The following DYNC1I1 variants were observed in gnomAD, a reference collection of about 807,000 sequenced individuals.
The protein encoded by DYNC1I1 is cytoplasmic dynein 1 intermediate chain 1.
DYNC1I1 carries 43 observed loss-of-function variants against 86.6 expected under a neutral mutation model. That is an observed-to-expected ratio of 0.50 (90% CI 0.39 to 0.64). DYNC1I1 has a LOEUF of 0.64. Among genes scored for constraint, DYNC1I1 ranks in the 30% least tolerant of loss-of-function variants. DYNC1I1 has a pLI of 0.00. For missense variants in DYNC1I1, 604 were observed against 788.8 expected, an observed-to-expected ratio of 0.77 and a Z score of 2.81; for synonymous variants, 262 against 283.7, an observed-to-expected ratio of 0.92 and a Z score of 0.77.
chr7:96,033,722 T>C (rs1174234651), intron 12 of DYNC1I1, among the ~76,000 whole-genome samples: 1 of 152,092 alleles, frequency 6.6e-6, no homozygotes, highest in Non-Finnish European at 1.5e-5. Flanking sequence ...AAAATGTACA[T>C]AAGGAGACAG....
chr7:95,812,756 A>C (rs1185139743), intron 3 of DYNC1I1, among the ~76,000 whole-genome samples: 1 of 152,204 alleles, frequency 6.6e-6, no homozygotes, highest in Non-Finnish European at 1.5e-5. Flanking sequence ...TTCTCTCTCA[A>C]TGCAGACATA....
intron 6 of DYNC1I1, among the ~76,000 whole-genome samples, chr7:95,925,536 G>A (rs772197288): frequency 9.9e-5 from 15 of 152,144 alleles, no homozygotes; most frequent in Non-Finnish European, 2.1e-4. Context: ...TCCTTCCCGA[G>A]ATTCTAAACA....
intron 1 of DYNC1I1, among the ~76,000 whole-genome samples, chr7:95,790,855 T>A (rs1794283037): frequency 6.6e-6 from 1 of 152,206 alleles, no homozygotes; most frequent in South Asian, 2.1e-4. Flanking sequence ...GCTTTGGTTG[T>A]GAGGATAGAG....
At chr7:95,987,447 C>T (rs1174272365) in intron 9 of DYNC1I1, among the ~76,000 whole-genome samples, 2 of 152,164 alleles carry the variant, frequency 1.3e-5, no homozygotes, top group Admixed American at 1.3e-4. Context: ...TATTTTTAAT[C>T]CCACATCTGT....
At chr7:95,804,431 A>C in intron 1 of DYNC1I1, 2 of 1,214,472 alleles carry the variant, frequency 1.6e-6, no homozygotes, top group South Asian at 1.4e-5. Context: ...CTTGTATAGA[A>C]AATGTGTTGC....
At chr7:95,894,029 C>T (rs1271492534) in intron 6 of DYNC1I1, among the ~76,000 whole-genome samples, 3 of 152,112 alleles carry the variant, frequency 2.0e-5, no homozygotes, top group Non-Finnish European at 4.4e-5. Context: ...TCTGCTGTTA[C>T]TTATGAAGAA....
chr7:95,777,719 G>C (rs1306497382), intron 1 of DYNC1I1, among the ~76,000 whole-genome samples: 1 of 152,132 alleles, frequency 6.6e-6, no homozygotes, highest in Non-Finnish European at 1.5e-5. Context: ...TCAGAGTTGA[G>C]GGTATTCATA....
At chr7:96,045,345 C>G (rs1789178409) in intron 14 of DYNC1I1, among the ~76,000 whole-genome samples, 2 of 152,116 alleles carry the variant, frequency 1.3e-5, no homozygotes, top group South Asian at 4.1e-4. Flanking sequence ...GTGGAATTCA[C>G]TGCAAATGAG....
intron 6 of DYNC1I1, among the ~76,000 whole-genome samples, chr7:95,919,135 A>G (rs1246630027): frequency 1.3e-5 from 2 of 152,282 alleles, no homozygotes; most frequent in East Asian, 3.9e-4. Context: ...GTATTTTTAT[A>G]TATTCATATA....
rs1198326553 is a variant in DYNC1I1, at chr7:96,080,497, G to A, written c.1776+9G>A. The A allele has an allele frequency of 6.2e-7, 1 of 1,614,120 alleles. No homozygotes were observed. The highest frequency in any genetic ancestry group is 8.5e-7 in the Non-Finnish European group (1 of 1,180,006). ...TCTATGACGTTGGAGAGGTACGTGT[G>A]TATTTGTGTTGTTGTTACTGTTTTG... On this transcript the variant is annotated intron_variant, in intron 16 of 16. Coordinates refer to ENST00000447467, the MANE Select transcript of DYNC1I1 (RefSeq NM_001135556.2).
chr7:95,861,614 G>GT (rs1309686867), intron 5 of DYNC1I1, among the ~76,000 whole-genome samples: 28 of 81,046 alleles, frequency 3.5e-4, no homozygotes, highest in Non-Finnish European at 6.5e-4. Flanking sequence ...CTCTCTTTTT[G>GT]CAATTTTTTT....
chr7:96,107,334 T>A (rs1338089984), intron 16 of DYNC1I1, among the ~76,000 whole-genome samples: 1 of 151,766 alleles, frequency 6.6e-6, no homozygotes, highest in African/African-American at 2.4e-5. Flanking sequence ...CCAGCCAATT[T>A]TTCATTCATA....
intron 4 of DYNC1I1, 53 bp downstream of exon 4, chr7:95,813,390 A>AC (rs1355195524): frequency 2.1e-5 from 33 of 1,567,260 alleles, no homozygotes; most frequent in African/African-American, 1.1e-4. Flanking sequence ...AAAAAAAAAA[A>AC]AAACAGCAAC....
chr7:95,824,151 C>T (rs1349786215), intron 4 of DYNC1I1, among the ~76,000 whole-genome samples: 5 of 150,542 alleles, frequency 3.3e-5, no homozygotes, highest in Non-Finnish European at 5.9e-5. Flanking sequence ...CCACCATACC[C>T]GGCTAATTTC....
At chr7:96,071,193 GA>G (rs1204131207) in intron 14 of DYNC1I1, among the ~76,000 whole-genome samples, 31 of 152,126 alleles carry the variant, frequency 2.0e-4, no homozygotes, top group Non-Finnish European at 2.9e-5. Flanking sequence ...TATAGAGTAA[GA>G]AAAAAATCAC....
At chr7:96,020,296 G>A (rs553013983) in intron 10 of DYNC1I1, among the ~76,000 whole-genome samples, 2 of 152,190 alleles carry the variant, frequency 1.3e-5, no homozygotes, top group East Asian at 1.9e-4. Flanking sequence ...GTTCCACATG[G>A]TTGGGGAAGC....
chr7:95,876,801 A>T (rs1790320133), intron 6 of DYNC1I1, among the ~76,000 whole-genome samples: 1 of 152,214 alleles, frequency 6.6e-6, no homozygotes, highest in Non-Finnish European at 1.5e-5. Flanking sequence ...AGCATAAAGT[A>T]GACACAAGAG....
chr7:95,967,118 T>G (rs1331517505), intron 6 of DYNC1I1, among the ~76,000 whole-genome samples: 1 of 152,196 alleles, frequency 6.6e-6, no homozygotes, highest in Non-Finnish European at 1.5e-5. Flanking sequence ...GAATAATTAA[T>G]GGAGCCTACT....
At chr7:95,914,771 G>T (rs1411071286) in intron 6 of DYNC1I1, among the ~76,000 whole-genome samples, 6 of 152,154 alleles carry the variant, frequency 3.9e-5, no homozygotes, top group African/African-American at 1.2e-4. Context: ...CATTACAGAG[G>T]TCTAGTCTGA....
Sources: allele counts gnomAD v4.1 joint callset (sites outside exome capture counted in the v4.1 genomes callset), GRCh38; gene constraint gnomAD v4.1.1; transcripts MANE v1.5; gene names NCBI Gene and HGNC (gene_info 2026-07-23, HGNC 2026-07-21).